Variants in RPL30 observed in about 807,000 individuals in gnomAD.
RPL30 encodes large ribosomal subunit protein eL30.
For synonymous variants in RPL30, 40 were observed against 50.4 expected, an observed-to-expected ratio of 0.79 and a Z score of 0.87; for missense variants, 60 against 138.0, an observed-to-expected ratio of 0.43 and a Z score of 2.83.
chr8:98,044,695 CT>C, intron 3 of RPL30: 1 of 464,272 alleles, frequency 2.2e-6, no homozygotes, highest in Non-Finnish European at 3.8e-6. Flanking sequence ...TCCATTAAAC[CT>C]CGATGTTCTG....
At chr8:98,043,522 A>G (rs1357450638) in intron 3 of RPL30, 2 of 149,752 alleles carry the variant, frequency 1.3e-5, no homozygotes, top group Admixed American at 6.7e-5. Context: ...AGCCATTTCT[A>G]TCACCATCCC....
intron 3 of RPL30, 194 bp from the exon 4 acceptor site, chr8:98,042,969 G>T: frequency 2.1e-6 from 1 of 475,056 alleles, no homozygotes. Context: ...GCAAGTGAAG[G>T]GGCAACCAGC....
chr8:98,045,251 AG>A, intron 2 of RPL30, 95 bp downstream of exon 2: 1 of 1,575,538 alleles, frequency 6.3e-7, no homozygotes, highest in Non-Finnish European at 8.7e-7. Flanking sequence ...AAATGCCAGC[AG>A]GCATGCTGTC....
Position 98,041,725 on chromosome 8 carries a change from T to A in RPL30, c.*76A>T, listed in dbSNP as rs890738693. ...AATACTGAAATAGATACAATGTTTTTAAAACAAGCAAATTTTATTAAAGGA... is the reference window on the plus strand; with the variant it reads ...AATACTGAAATAGATACAATGTTTTAAAAACAAGCAAATTTTATTAAAGGA... On this transcript the variant is annotated 3_prime_UTR_variant, in exon 5 of 5. Coordinates refer to ENST00000287038, the MANE Select transcript of RPL30 (RefSeq NM_000989.4). The A allele has an allele frequency of 1.0e-6, 1 of 979,894 alleles. No individual in the cohort carries two copies. The highest frequency in any genetic ancestry group is 1.6e-5 in the African/African-American group (1 of 60,888). The allele number at this position is 979,894 out of a possible 1,614,324, so 60.7% of individuals were successfully genotyped here. A position where few individuals can be genotyped will look rare whatever the true frequency, so the allele number is the denominator to read the frequency against.
In RPL30 at chr8:98,045,374, G is replaced by T; in HGVS notation, c.-7C>A. 1 of 1,614,150 alleles carries T rather than the reference G, an allele frequency of 6.2e-7. No individual in the cohort carries two copies. Among genetic ancestry groups the T allele is most frequent in the Non-Finnish European group, 8.5e-7 (1 of 1,180,018 alleles). On this transcript the variant is annotated 5_prime_UTR_variant, in exon 2 of 5. Coordinates refer to ENST00000287038, the MANE Select transcript of RPL30 (RefSeq NM_000989.4). ...TCTTCTTTGCGGCCACCATCTTCCTGCCTTAGGAGCGGGACGGCCCCCAAC... is the reference window on the plus strand; with the variant it reads ...TCTTCTTTGCGGCCACCATCTTCCTTCCTTAGGAGCGGGACGGCCCCCAAC...
At position 98,041,734 on chromosome 8, in the gene RPL30, C is replaced by A; in HGVS notation, c.*67G>T. On this transcript the variant is annotated 3_prime_UTR_variant, in exon 5 of 5. Transcript: ENST00000287038. Reference sequence around the variant, plus strand: ...ATAGATACAATGTTTTTAAAACAAGCAAATTTTATTAAAGGAAAATTTTGC... The same window carrying A: ...ATAGATACAATGTTTTTAAAACAAGAAAATTTTATTAAAGGAAAATTTTGC... 9.5e-7 allele frequency: 1 copy of A among 1,051,220 alleles called. No individual in the cohort carries two copies. The highest frequency in any genetic ancestry group is 1.4e-5 in the South Asian group (1 of 72,470). 65.1% of individuals were successfully genotyped at this position (1,051,220 alleles called of 1,614,324 possible).
intron 3 of RPL30, 194 bp downstream of exon 3, chr8:98,044,749 A>G (rs1022771099): frequency 3.5e-6 from 2 of 566,266 alleles, no homozygotes; most frequent in Non-Finnish European, 6.2e-6. Context: ...TCCAAAAATA[A>G]GCTCACAGAA....
chr8:98,042,868 TA>T, intron 3 of RPL30, 93 bp from the exon 4 acceptor site: 1 of 1,246,774 alleles, frequency 8.0e-7, no homozygotes, highest in Non-Finnish European at 1.1e-6. Flanking sequence ...TTAATGTTGT[TA>T]AGGCCTTCAA....
intron 3 of RPL30, chr8:98,043,911 G>C (rs934737860): frequency 6.6e-6 from 1 of 151,276 alleles, no homozygotes; most frequent in Non-Finnish European, 1.5e-5. Flanking sequence ...TCAGGAGTCC[G>C]AGACCAGCCT....
intron 3 of RPL30, chr8:98,044,535 A>C (rs1055895830): frequency 1.2e-5 from 2 of 173,196 alleles, no homozygotes; most frequent in African/African-American, 4.8e-5. Flanking sequence ...ATAGCCTGCA[A>C]CTCCATAGCC....
chr8:98,042,576 G>T (rs2130480371), intron 4 of RPL30, 69 bp downstream of exon 4: 3 of 1,413,870 alleles, frequency 2.1e-6, no homozygotes, highest in African/African-American at 1.5e-5. Context: ...TGCGTAGTAA[G>T]AAATACTTGT....
intron 4 of RPL30, 99 bp from the exon 5 acceptor site, chr8:98,041,949 A>G: frequency 2.3e-6 from 2 of 887,620 alleles, no homozygotes; most frequent in Non-Finnish European, 3.6e-6. Flanking sequence ...TCTGTAGACA[A>G]TGGTCTGCAA....
At chr8:98,042,976 C>A (rs577084348) in intron 3 of RPL30, 1 of 469,076 alleles carries the variant, frequency 2.1e-6, no homozygotes. Flanking sequence ...AAGGGGCAAC[C>A]AGCAAATATC....
At chr8:98,041,876 TA>T in intron 4 of RPL30, 26 bp from the exon 5 acceptor site, 1 of 1,509,796 alleles carries the variant, frequency 6.6e-7, no homozygotes. Context: ...AAAAAAACAG[TA>T]ATTTTACAAT....
intron 2 of RPL30, 126 bp from the exon 3 acceptor site, chr8:98,045,214 C>A: frequency 1.3e-6 from 2 of 1,533,776 alleles, no homozygotes; most frequent in African/African-American, 1.4e-5. Flanking sequence ...ATTGAGAGGG[C>A]CACTGGGATT....
chr8:98,045,293 G>A (rs1044073510), intron 2 of RPL30, 54 bp downstream of exon 2: 54 of 1,612,492 alleles, frequency 3.3e-5, no homozygotes, highest in Non-Finnish European at 4.2e-5. Context: ...GCCCGCCCTG[G>A]CCAAGACATC....
chr8:98,042,510 A>T, intron 4 of RPL30, 135 bp downstream of exon 4: 1 of 828,238 alleles, frequency 1.2e-6, no homozygotes, highest in Non-Finnish European at 1.9e-6. Context: ...AAATACAACT[A>T]CACGATATGC....
In RPL30 at chr8:98,045,078, A is replaced by C; in HGVS notation, c.32T>G (p.Leu11Arg). The change falls in exon 3 of 5, where the codon CTG becomes CGG. Residue 11 changes from leucine to arginine, a missense_variant. Coordinates refer to ENST00000287038, the MANE Select transcript of RPL30 (RefSeq NM_000989.4). Reference sequence around the variant, plus strand: ...TTGGAGCCTAGAGTTGATCGACTCCAGCGACTTTTTCTACAAAGCAAACAT... The same window carrying C: ...TTGGAGCCTAGAGTTGATCGACTCCCGCGACTTTTTCTACAAAGCAAACAT... MVAAKKTKKS[L>R]ESINSRLQLV... 6.2e-7 allele frequency: 1 copy of C among 1,613,744 alleles called. No homozygotes were observed. Among genetic ancestry groups the C allele is most frequent in the Non-Finnish European group, 8.5e-7 (1 of 1,179,900 alleles).
At chr8:98,042,844 T>A (rs1270104272) in intron 3 of RPL30, 69 bp from the exon 4 acceptor site, 2 of 1,410,026 alleles carry the variant, frequency 1.4e-6, no homozygotes, top group Non-Finnish European at 1.9e-6. Context: ...ATGTTACTAC[T>A]TCTTTTACTA....
Sources: gnomAD v4.1 joint callset for allele counts on GRCh38, gnomAD v4.1.1 for gene constraint, MANE v1.5 for transcripts, NCBI Gene and HGNC (gene_info 2026-07-23, HGNC 2026-07-21) for gene names.